The following IKBKB-DT variants were observed in gnomAD, a reference collection of about 807,000 sequenced individuals.
The protein encoded by IKBKB-DT is IKBKB divergent transcript.
intron 3 of IKBKB-DT, among the ~76,000 whole-genome samples, chr8:42,235,395 A>G (rs968024772): frequency 6.6e-6 from 1 of 151,558 alleles, no homozygotes; most frequent in Non-Finnish European, 1.5e-5. Context: ...TACTAGAGTC[A>G]GGGTTTCTCT....
At chr8:42,267,971 A>G (rs893350942) in intron 1 of IKBKB-DT, among the ~76,000 whole-genome samples, 1 of 152,184 alleles carries the variant, frequency 6.6e-6, no homozygotes, top group Non-Finnish European at 1.5e-5. Context: ...GATTCAAATT[A>G]CAGGAGCGCA....
intron 1 of IKBKB-DT, among the ~76,000 whole-genome samples, chr8:42,268,489 T>C (rs1338862638): frequency 6.6e-6 from 1 of 152,120 alleles, no homozygotes; most frequent in Non-Finnish European, 1.5e-5. Context: ...CAGGCTAGTC[T>C]TGAACTCCTG....
intron 3 of IKBKB-DT, among the ~76,000 whole-genome samples, chr8:42,256,249 A>G (rs1256846028): frequency 6.6e-6 from 1 of 152,020 alleles, no homozygotes; most frequent in East Asian, 1.9e-4. Flanking sequence ...GAAATGTCCT[A>G]AAACAAGAAG....
intron 2 of IKBKB-DT, among the ~76,000 whole-genome samples, chr8:42,265,288 C>T (rs1053696942): frequency 5.3e-5 from 8 of 152,252 alleles, no homozygotes; most frequent in Admixed American, 4.6e-4. Context: ...CACACCACCA[C>T]ACCCGGGCAA....
chr8:42,235,709 ATTGAT>A (rs1411259701), intron 3 of IKBKB-DT, among the ~76,000 whole-genome samples: 1 of 152,018 alleles, frequency 6.6e-6, no homozygotes, highest in African/African-American at 2.4e-5. Context: ...CTCTGGGGAG[ATTGAT>A]TTGAGTAATA....
chr8:42,259,818 C>T (rs911289492), intron 3 of IKBKB-DT, among the ~76,000 whole-genome samples: 13 of 151,722 alleles, frequency 8.6e-5, no homozygotes, highest in African/African-American at 2.9e-4. Context: ...CCTGTCTCTT[C>T]GAAAATACAA....
chr8:42,237,211 C>T (rs528521292), intron 3 of IKBKB-DT, among the ~76,000 whole-genome samples: 11 of 151,986 alleles, frequency 7.2e-5, no homozygotes, highest in African/African-American at 2.4e-5. Flanking sequence ...CTTAGCCTCC[C>T]GAGTAGCTGG....
At chr8:42,260,668 CAAAAA>C (rs771731696) in intron 3 of IKBKB-DT, among the ~76,000 whole-genome samples, 1 of 44,930 alleles carries the variant, frequency 2.2e-5, no homozygotes, top group African/African-American at 6.1e-5. Context: ...GACTCTGTCT[CAAAAA>C]AAAAAAAAAA....
chr8:42,238,126 A>G (rs1806948925), intron 3 of IKBKB-DT, among the ~76,000 whole-genome samples: 1 of 151,474 alleles, frequency 6.6e-6, no homozygotes, highest in Non-Finnish European at 1.5e-5. Flanking sequence ...AATGGGGAGC[A>G]GTAACTAGGA....
intron 3 of IKBKB-DT, among the ~76,000 whole-genome samples, chr8:42,248,892 A>G (rs935747650): frequency 6.6e-6 from 1 of 151,466 alleles, no homozygotes; most frequent in Non-Finnish European, 1.5e-5. Flanking sequence ...AAAAACAAAT[A>G]TCCCCTCCAA....
At chr8:42,247,313 G>T (rs796775997) in intron 3 of IKBKB-DT, among the ~76,000 whole-genome samples, 1 of 152,166 alleles carries the variant, frequency 6.6e-6, no homozygotes, top group South Asian at 2.1e-4. Flanking sequence ...CTGGATTTCG[G>T]ACTTGCATAG....
intron 3 of IKBKB-DT, chr8:42,263,258 C>G (rs1463843769): frequency 6.6e-6 from 1 of 152,280 alleles, no homozygotes; most frequent in Non-Finnish European, 1.5e-5. Flanking sequence ...AGTGATCCAC[C>G]TGCCTTGGCC....
At chr8:42,260,283 C>G (rs2129929123) in intron 3 of IKBKB-DT, among the ~76,000 whole-genome samples, 1 of 152,240 alleles carries the variant, frequency 6.6e-6, no homozygotes, top group East Asian at 1.9e-4. Context: ...CTTGACAGAA[C>G]AGAGAGGACT....
At chr8:42,239,305 C>T (rs2129902327) in intron 3 of IKBKB-DT, among the ~76,000 whole-genome samples, 1 of 151,994 alleles carries the variant, frequency 6.6e-6, no homozygotes, top group African/African-American at 2.4e-5. Flanking sequence ...ACAGCATGGC[C>T]CTCATCCCGC....
Position 42,249,075 on chromosome 8 carries a change from A to AT in IKBKB-DT, n.1529+14253dup, listed in dbSNP as rs568520510. 18 of 152,112 alleles carry AT rather than the reference A, an allele frequency of 1.2e-4. No individual in the cohort carries two copies. In the East Asian group the frequency reaches 3.1e-3, roughly 26 times the overall value. The allele number at this position is 152,112 out of a possible 1,614,324, so 9.4% of individuals were successfully genotyped here. A position where few individuals can be genotyped will look rare whatever the true frequency, so the allele number is the denominator to read the frequency against. On this transcript the variant is annotated intron_variant and non_coding_transcript_variant, in intron 3 of 3. Coordinates refer to ENST00000518213, the Ensembl canonical transcript of IKBKB-DT. Reference sequence around the variant, plus strand: ...TTAAACATTTCTTTCACAGAACGAGATTTTTTTATTGGGCCGGGTGCAGTA... The same window carrying AT: ...TTAAACATTTCTTTCACAGAACGAGATTTTTTTTATTGGGCCGGGTGCAGTA...
At chr8:42,271,212 C>A in exon 1 of IKBKB-DT, 1 of 634,234 alleles carries the variant, frequency 1.6e-6, no homozygotes. Context: ...TCGAGGGTCC[C>A]GGGACAGGCG....
exon 1 of IKBKB-DT, chr8:42,270,901 C>G (rs1231885219): frequency 6.0e-6 from 1 of 168,018 alleles, no homozygotes; most frequent in East Asian, 1.9e-4. Flanking sequence ...CAAGCACCCC[C>G]CAGACAGGGG....
At chr8:42,260,890 G>A (rs934369500) in intron 3 of IKBKB-DT, among the ~76,000 whole-genome samples, 1 of 152,120 alleles carries the variant, frequency 6.6e-6, no homozygotes, top group African/African-American at 2.4e-5. Context: ...CCACAGAAAT[G>A]AGATGCCTCT....
At chr8:42,268,230 G>A (rs1412611127) in intron 1 of IKBKB-DT, among the ~76,000 whole-genome samples, 2 of 151,322 alleles carry the variant, frequency 1.3e-5, no homozygotes, top group African/African-American at 4.9e-5. Context: ...TGCCTCCTGG[G>A]TTCAAGCGAT....
Sources: allele counts gnomAD v4.1 joint callset (sites outside exome capture counted in the v4.1 genomes callset), GRCh38; gene constraint gnomAD v4.1.1; transcripts MANE v1.5; gene names NCBI Gene and HGNC (gene_info 2026-07-23, HGNC 2026-07-21).